The following FNTB variants were observed in gnomAD, a reference collection of about 807,000 sequenced individuals.
FNTB encodes the protein farnesyltransferase, CAAX box, subunit beta.
In FNTB, 27 loss-of-function variants were observed where a neutral mutation model predicts 59.4. That is an observed-to-expected ratio of 0.45 (90% CI 0.34 to 0.63). FNTB has a LOEUF of 0.63. Among genes scored for constraint, FNTB ranks in the 20% least tolerant of loss-of-function variants. The pLI, the probability that FNTB is intolerant of heterozygous loss-of-function variation, is 0.02. For missense variants in FNTB, 449 were observed against 559.6 expected (o/e 0.80, Z 1.99); for synonymous variants, 230 against 220.7 (o/e 1.04, Z -0.37).
At chr14:65,036,848 G>A (rs1398701740) in intron 7 of FNTB, among the ~76,000 whole-genome samples, 1 of 152,022 alleles carries the variant, frequency 6.6e-6, no homozygotes, top group Non-Finnish European at 1.5e-5. Flanking sequence ...ATACTGGCCA[G>A]GCTGGTCTCA....
chr14:64,989,211 C>T (rs1027568738), intron 1 of FNTB, among the ~76,000 whole-genome samples: 4 of 143,518 alleles, frequency 2.8e-5, no homozygotes, highest in Admixed American at 2.2e-4. Context: ...GAGTTCGAGG[C>T]GGGAAGATCA....
chr14:65,025,311 CTT>C (rs1310394116), intron 4 of FNTB, among the ~76,000 whole-genome samples: 2 of 152,154 alleles, frequency 1.3e-5, no homozygotes, highest in Non-Finnish European at 2.9e-5. Flanking sequence ...CCAGGTGACT[CTT>C]TTTCTTTCTT....
intron 11 of FNTB, among the ~76,000 whole-genome samples, chr14:65,060,130 G>GC (rs1206536774): frequency 6.6e-6 from 1 of 151,200 alleles, no homozygotes; most frequent in South Asian, 2.1e-4. Flanking sequence ...ACCGCGTCCG[G>GC]CCCCCTTTTT....
chr14:65,043,872 C>A (rs976194292), intron 8 of FNTB, among the ~76,000 whole-genome samples: 25 of 136,468 alleles, frequency 1.8e-4, no homozygotes, highest in African/African-American at 6.1e-4. Flanking sequence ...AAATGTAGTA[C>A]CAAATTCCAT....
intron 2 of FNTB, chr14:65,006,233 G>A (rs2061587485): frequency 1.9e-6 from 3 of 1,612,794 alleles, no homozygotes; most frequent in Non-Finnish European, 2.5e-6. Flanking sequence ...GTTGGAAAAG[G>A]CAAGTGTTCA....
At chr14:65,060,512 C>T (rs1228060427) in intron 11 of FNTB, among the ~76,000 whole-genome samples, 5 of 127,044 alleles carry the variant, frequency 3.9e-5, no homozygotes, top group Admixed American at 2.1e-4. Flanking sequence ...CCGGCTAAAA[C>T]GGTGAAACCC....
At position 65,061,538 on chromosome 14, in the gene FNTB, C is replaced by T; in HGVS notation, c.*226C>T. ...ACCTGTCAAACCAAAAATCTATCAG[C>T]CCACGTGGTGTGGTTGGTGAACAGT... is the stretch of plus-strand genomic sequence containing the variant. On this transcript the variant is annotated 3_prime_UTR_variant, in exon 12 of 12. Transcript: ENST00000246166. 2 of 623,554 alleles carry T rather than the reference C, an allele frequency of 3.2e-6. No homozygotes were observed. Among genetic ancestry groups the T allele is most frequent in the South Asian group, 4.3e-5 (2 of 47,022 alleles). 38.6% of individuals were successfully genotyped at this position (623,554 alleles called of 1,614,324 possible).
chr14:65,012,072 A>G lies in FNTB; in HGVS notation c.210-245A>G. The G allele has an allele frequency of 2.2e-6, 1 of 454,958 alleles. No individual in the cohort carries two copies. The highest frequency in any genetic ancestry group is 4.1e-6 in the Non-Finnish European group (1 of 246,130). The allele number at this position is 454,958 out of a possible 1,614,324, so 28.2% of individuals were successfully genotyped here. A position where few individuals can be genotyped will look rare whatever the true frequency, so the allele number is the denominator to read the frequency against. The stretch of plus-strand genomic sequence containing the variant: ...TTAGCCCAAAGTCACTGCCTTTAGG[A>G]GACAATCGCACTCTAAATGTCAGCT... On this transcript the variant is annotated intron_variant, in intron 2 of 11. Transcript: ENST00000246166. This position sits in a 1 kb window ranked among gnomAD's most constrained non-coding sequence, Gnocchi z 5.0.
rs764782528 is a variant in FNTB, at chr14:65,029,923, G to T, written c.605+2142G>T. On this transcript the variant is annotated intron_variant, in intron 6 of 11. Coordinates refer to ENST00000246166, the MANE Select transcript of FNTB (RefSeq NM_002028.4). This position sits in a 1 kb window ranked among gnomAD's most constrained non-coding sequence, Gnocchi z 4.7. ...AGAGAGAGCAGGAAGACTGATCCAGGTTGAAGAAGGCTTGGATTTGGGTGA... is the reference window on the plus strand; with the variant it reads ...AGAGAGAGCAGGAAGACTGATCCAGTTTGAAGAAGGCTTGGATTTGGGTGA... Among the ~76,000 whole-genome samples, 3 of 152,234 alleles carry T rather than the reference G, an allele frequency of 2.0e-5. No homozygotes were observed. The highest frequency in any genetic ancestry group is 4.4e-5 in the Non-Finnish European group (3 of 68,046).
In FNTB at chr14:65,054,436, G is replaced by A. The variant is rs2062683116; in HGVS notation, c.1068-139G>A. The A allele has an allele frequency of 3.6e-6, 3 of 829,736 alleles. No individual in the cohort carries two copies. Among genetic ancestry groups the A allele is most frequent in the Non-Finnish European group, 5.6e-6 (3 of 532,262 alleles). 51.4% of individuals were successfully genotyped at this position (829,736 alleles called of 1,614,324 possible). ...GTGGGGCTTTAAATAACACTGCTGGGAAAACCATGCCTCCTCTAGCCACAT... is the reference window on the plus strand; with the variant it reads ...GTGGGGCTTTAAATAACACTGCTGGAAAAACCATGCCTCCTCTAGCCACAT... On this transcript the variant is annotated intron_variant, in intron 10 of 11. Transcript: ENST00000246166. This position sits in a 1 kb window ranked among gnomAD's most constrained non-coding sequence, Gnocchi z 4.4.
At chr14:65,048,138 C>T (rs1485928306) in intron 9 of FNTB, among the ~76,000 whole-genome samples, 1 of 151,630 alleles carries the variant, frequency 6.6e-6, no homozygotes, top group Non-Finnish European at 1.5e-5. Flanking sequence ...TGTACCACCA[C>T]ACCCAGCCAA....
rs1325581763 is a variant in FNTB, at chr14:65,004,330, A to G, written c.209+17A>G. On this transcript the variant is annotated intron_variant, in intron 2 of 11. Coordinates refer to ENST00000246166, the MANE Select transcript of FNTB (RefSeq NM_002028.4). Reference sequence around the variant, plus strand: ...TGTACCAAGGTAAGCTGTGGTTAGGAGTTTGAGGGGATCTGGGAGAACACC... The same window carrying G: ...TGTACCAAGGTAAGCTGTGGTTAGGGGTTTGAGGGGATCTGGGAGAACACC... The G allele has an allele frequency of 6.2e-7, 1 of 1,610,964 alleles. No individual in the cohort carries two copies. Among genetic ancestry groups the G allele is most frequent in the Non-Finnish European group, 8.5e-7 (1 of 1,178,394 alleles).
At chr14:64,987,281 G>A (rs1887985814) in intron 1 of FNTB, 184 bp downstream of exon 1, 2 of 664,462 alleles carry the variant, frequency 3.0e-6, no homozygotes, top group South Asian at 1.9e-5. Flanking sequence ...CGTTTGCGCG[G>A]CCAGCTTGGG....
In FNTB at chr14:65,005,883, TC is replaced by T. The variant is rs1341886411; in HGVS notation, c.209+1572del. Among the ~76,000 whole-genome samples, 11 of 152,260 alleles carry T rather than the reference TC, an allele frequency of 7.2e-5. 1 individual carries two copies. Among genetic ancestry groups the T allele is most frequent in the African/African-American group, 2.4e-4 (10 of 41,542 alleles). ...GTCTTGAGCTCCTGGCCTCAAGCAG[TC>T]CTCCCAAAGTGCTGAGATTACAGCT... On this transcript the variant is annotated intron_variant, in intron 2 of 11. Transcript: ENST00000246166.
At chr14:64,999,714 C>G (rs1033918263) in intron 1 of FNTB, among the ~76,000 whole-genome samples, 1 of 152,060 alleles carries the variant, frequency 6.6e-6, no homozygotes, top group African/African-American at 2.4e-5. Context: ...GAGAAATATA[C>G]CAGAATATAC....
At chr14:65,051,168 C>A (rs1344466779) in intron 9 of FNTB, among the ~76,000 whole-genome samples, 1 of 152,224 alleles carries the variant, frequency 6.6e-6, no homozygotes, top group Non-Finnish European at 1.5e-5. Context: ...CTGAGTGCGA[C>A]TCAGGGTTGA....
rs1024549225 is a variant in FNTB at position 65,001,495 on chromosome 14, C to A, written c.145-2754C>A. 6.6e-6 allele frequency among the ~76,000 whole-genome samples: 1 copy of A among 152,092 alleles called. No individual in the cohort carries two copies. Among genetic ancestry groups the A allele is most frequent in the Non-Finnish European group, 1.5e-5 (1 of 68,006 alleles). On this transcript the variant is annotated intron_variant, in intron 1 of 11. Transcript: ENST00000246166. This position sits in a 1 kb window ranked among gnomAD's most constrained non-coding sequence, Gnocchi z 5.5. ...ACCATGATGAAATCACCTAAGAAGG[C>A]GTCTCTCAGAATGTATCCCTGTAGT...
intron 1 of FNTB, among the ~76,000 whole-genome samples, chr14:64,998,481 G>A (rs1439569486): frequency 6.6e-6 from 1 of 152,212 alleles, no homozygotes; most frequent in Non-Finnish European, 1.5e-5. Context: ...GATTGGACAG[G>A]CAATTGCTGG....
intron 4 of FNTB, chr14:65,022,240 C>T (rs2139554698): frequency 2.9e-6 from 1 of 342,674 alleles, no homozygotes; most frequent in East Asian, 7.6e-5. Flanking sequence ...CCGTTCTGCC[C>T]ATGGATGACT....
Sources: gnomAD v4.1 joint callset for allele counts (sites outside exome capture counted in the v4.1 genomes callset) on GRCh38, gnomAD v4.1.1 for gene constraint, Gnocchi (gnomAD v3.1) non-coding constraint, MANE v1.5 for transcripts, NCBI Gene and HGNC (gene_info 2026-07-23, HGNC 2026-07-21) for gene names.